The following CNTNAP4 variants were observed in gnomAD, a reference collection of about 807,000 sequenced individuals.
CNTNAP4 encodes contactin-associated protein-like 4.
Under a neutral mutation model 148.4 loss-of-function variants are expected in CNTNAP4, and 98 were observed. That is an observed-to-expected ratio of 0.66 (90% CI 0.56 to 0.78). The LOEUF is 0.78. Among genes scored for constraint, CNTNAP4 ranks in the 30% least tolerant of loss-of-function variants. The pLI, the probability that CNTNAP4 is intolerant of heterozygous loss-of-function variation, is 0.00. For missense variants in CNTNAP4, 1,935 were observed against 1,565.6 expected, an observed-to-expected ratio of 1.24 and a Z score of -3.98; for synonymous variants, 730 against 565.1, an observed-to-expected ratio of 1.29 and a Z score of -4.14.
rs578092841 is a variant in CNTNAP4 at position 76,508,485 on chromosome 16, A to G, written c.2365+9791A>G. On this transcript the variant is annotated intron_variant, in intron 15 of 23. Transcript: ENST00000611870. ...ACAGTGCCTTTATTAAACTGAAATG[A>G]TTGCCCCTTCTTGGAAAATAGATTA... Among the ~76,000 whole-genome samples, 58 of 93,390 alleles carry G rather than the reference A, an allele frequency of 6.2e-4. 12 individuals carry two copies. Among genetic ancestry groups the G allele is most frequent in the African/African-American group, 1.3e-3 (50 of 37,872 alleles). The allele number at this position is 93,390 out of a possible 152,430, so 61.3% of individuals were successfully genotyped here. A position where few individuals can be genotyped will look rare whatever the true frequency, so the allele number is the denominator to read the frequency against.
At chr16:76,382,128 G>A (rs926737496) in intron 3 of CNTNAP4, among the ~76,000 whole-genome samples, 22 of 139,554 alleles carry the variant, frequency 1.6e-4, no homozygotes, top group African/African-American at 5.8e-4. Context: ...GGGAGGGATA[G>A]AACAGAGACA....
chr16:76,415,950 T>C (rs4534872), intron 3 of CNTNAP4, among the ~76,000 whole-genome samples: 118,080 of 148,700 alleles, frequency 0.79, 47,357 homozygotes, highest in Non-Finnish European at 0.86. Context: ...TTTAACTCTG[T>C]CTTATTTTTG....
At chr16:76,354,007 A>G (rs1324038778) in intron 2 of CNTNAP4, among the ~76,000 whole-genome samples, 1 of 152,198 alleles carries the variant, frequency 6.6e-6, no homozygotes, top group Non-Finnish European at 1.5e-5. Context: ...AATCAAAACT[A>G]TATAAATTAA....
intron 9 of CNTNAP4, among the ~76,000 whole-genome samples, chr16:76,464,361 G>A (rs1359928875): frequency 6.6e-6 from 1 of 152,138 alleles, no homozygotes; most frequent in East Asian, 1.9e-4. Flanking sequence ...GACCTGGCTG[G>A]TACAGGCAGT....
Position 76,316,398 on chromosome 16 carries a change from T to C in CNTNAP4, c.86-15T>C. 1 of 1,591,482 alleles carries C rather than the reference T, an allele frequency of 6.3e-7. No individual in the cohort carries two copies. The highest frequency in any genetic ancestry group is 8.6e-7 in the Non-Finnish European group (1 of 1,159,636). ...GCACTAACTAACCCTAACGTGGCATTGTTCCTCCTGGCAGATGACTGTGAT... is the reference window on the plus strand; with the variant it reads ...GCACTAACTAACCCTAACGTGGCATCGTTCCTCCTGGCAGATGACTGTGAT... On this transcript the variant is annotated splice_polypyrimidine_tract_variant and intron_variant, in intron 1 of 23. Coordinates refer to ENST00000611870, the MANE Select transcript of CNTNAP4 (RefSeq NM_033401.5).
At chr16:76,356,057 T>C (rs2012589353) in intron 3 of CNTNAP4, among the ~76,000 whole-genome samples, 1 of 151,776 alleles carries the variant, frequency 6.6e-6, no homozygotes, top group South Asian at 2.1e-4. Flanking sequence ...GTGTTTTTAG[T>C]AGAGACGGGC....
intron 4 of CNTNAP4, among the ~76,000 whole-genome samples, chr16:76,445,122 C>T (rs2080191611): frequency 1.3e-5 from 2 of 152,082 alleles, no homozygotes; most frequent in Admixed American, 6.6e-5. Flanking sequence ...CAAGAGTAAT[C>T]CTAGTTTATG....
At chr16:76,488,273 C>A (rs967632069) in intron 12 of CNTNAP4, among the ~76,000 whole-genome samples, 1 of 152,092 alleles carries the variant, frequency 6.6e-6, no homozygotes, top group African/African-American at 2.4e-5. Flanking sequence ...TAATTGACTT[C>A]GACATTATAC....
At chr16:76,359,472 C>T (rs2013135846) in intron 3 of CNTNAP4, among the ~76,000 whole-genome samples, 1 of 152,066 alleles carries the variant, frequency 6.6e-6, no homozygotes, top group Admixed American at 6.5e-5. Context: ...CCAGGCAGTA[C>T]AATGACTTCT....
At chr16:76,312,294 A>T (rs1175655045) in intron 1 of CNTNAP4, among the ~76,000 whole-genome samples, 1 of 152,134 alleles carries the variant, frequency 6.6e-6, no homozygotes, top group East Asian at 1.9e-4. Context: ...GATATTGCTG[A>T]TATTTCTTGG....
intron 3 of CNTNAP4, among the ~76,000 whole-genome samples, chr16:76,372,413 A>G (rs1304676715): frequency 5.3e-5 from 8 of 151,370 alleles, no homozygotes; most frequent in East Asian, 2.0e-4. Flanking sequence ...CTCCCAAAGT[A>G]CTGGGATTAC....
intron 2 of CNTNAP4, among the ~76,000 whole-genome samples, chr16:76,344,594 A>G (rs1964755233): frequency 6.6e-6 from 1 of 152,226 alleles, no homozygotes; most frequent in Non-Finnish European, 1.5e-5. Context: ...CTGAGTCTGA[A>G]TATTAGATTA....
chr16:76,452,839 T>A, intron 8 of CNTNAP4, 70 bp downstream of exon 8: 1 of 1,330,624 alleles, frequency 7.5e-7, no homozygotes, highest in Non-Finnish European at 1.0e-6. Flanking sequence ...GGCCAAATTT[T>A]ATGCATAACC....
At chr16:76,426,062 A>G (rs1219075498) in intron 3 of CNTNAP4, among the ~76,000 whole-genome samples, 2 of 152,120 alleles carry the variant, frequency 1.3e-5, no homozygotes, top group Non-Finnish European at 2.9e-5. Flanking sequence ...GATTTTGGAT[A>G]TAATTTGGAG....
At chr16:76,377,056 G>C (rs1355926995) in intron 3 of CNTNAP4, among the ~76,000 whole-genome samples, 2 of 152,036 alleles carry the variant, frequency 1.3e-5, no homozygotes, top group Admixed American at 1.3e-4. Flanking sequence ...AATCTGCAGG[G>C]TAGGCTGGCA....
chr16:76,490,898 C>G (rs190904144), intron 13 of CNTNAP4, among the ~76,000 whole-genome samples: 54 of 152,262 alleles, frequency 3.5e-4, no homozygotes, highest in African/African-American at 1.1e-3. Context: ...CTACTTCTTT[C>G]ATGTTCACTC....
chr16:76,326,503 G>C (rs151279359), intron 2 of CNTNAP4, among the ~76,000 whole-genome samples: 4 of 152,280 alleles, frequency 2.6e-5, no homozygotes, highest in African/African-American at 9.6e-5. Flanking sequence ...GCACATGTAT[G>C]TTTATTGCGG....
intron 3 of CNTNAP4, among the ~76,000 whole-genome samples, chr16:76,363,660 A>G (rs1419802026): frequency 6.6e-6 from 1 of 152,242 alleles, no homozygotes; most frequent in Non-Finnish European, 1.5e-5. Flanking sequence ...CTACGTCAAC[A>G]AAAACCTTCT....
chr16:76,424,639 A>T (rs949962158), intron 3 of CNTNAP4, among the ~76,000 whole-genome samples: 7 of 152,118 alleles, frequency 4.6e-5, no homozygotes, highest in Admixed American at 1.3e-4. Flanking sequence ...GGGGCCCGTA[A>T]TCCCAGCTAC....
Sources: allele counts gnomAD v4.1 joint callset (sites outside exome capture counted in the v4.1 genomes callset), GRCh38; gene constraint gnomAD v4.1.1; transcripts MANE v1.5; gene names NCBI Gene and HGNC (gene_info 2026-07-23, HGNC 2026-07-21).